CORO2B: variants seen among roughly 807,000 people sequenced by gnomAD.
CORO2B encodes coronin 2B.
Under a neutral mutation model 58.8 loss-of-function variants are expected in CORO2B, and 26 were observed. That is an observed-to-expected ratio of 0.44 (90% confidence interval 0.32 to 0.61). The LOEUF (loss-of-function observed/expected upper bound fraction) is 0.61. Among genes scored for constraint, CORO2B ranks in the 20% least tolerant of loss-of-function variants. The pLI, the probability that CORO2B is intolerant of heterozygous loss-of-function variation, is 0.04. For missense variants in CORO2B, 460 were observed against 645.1 expected (o/e 0.71, Z 3.11); for synonymous variants, 242 against 253.8 (o/e 0.95, Z 0.44).
rs187260042 is a variant in CORO2B at position 68,709,279 on chromosome 15, T to C, written c.334-1453T>C. ...CCAAAAGAGTTACTCTGATTTATAA[T>C]ACTACCAACATCCATTCAATCTATA... On this transcript the variant is annotated intron_variant, in intron 3 of 11. Transcript: ENST00000261861. Among the ~76,000 whole-genome samples the C allele has an allele frequency of 2.0e-5, 3 of 152,286 alleles. No individual in the cohort carries two copies. In the East Asian group the frequency reaches 5.8e-4, roughly 29 times the overall value.
chr15:68,719,438 A>G lies in CORO2B; in HGVS notation c.1197A>G (p.Glu399=). The G allele has an allele frequency of 6.2e-7, 1 of 1,614,084 alleles. No individual in the cohort carries two copies. Among genetic ancestry groups the G allele is most frequent in the East Asian group, 2.2e-5 (1 of 44,886 alleles). Residue 399 remains glutamate (E), a synonymous_variant, in exon 11 of 12, where the codon GAA becomes GAG. Coordinates refer to ENST00000261861, the MANE Select transcript of CORO2B (RefSeq NM_006091.5). ...ATCCCGTGCTGATGTCTTTGAAAGA[A>G]GGCTATAAGAAGTCCTCAAAAATGG... ...NRDPVLMSLK[E]GYKKSSKMVF... is the part of the protein sequence containing the mutation.
At chr15:68,669,819 G>A (rs1304900480) in intron 2 of CORO2B, among the ~76,000 whole-genome samples, 2 of 152,130 alleles carry the variant, frequency 1.3e-5, no homozygotes, top group Non-Finnish European at 2.9e-5. Flanking sequence ...CACTTCAGGA[G>A]GCCAAGGTGG....
At chr15:68,648,029 C>CAA (rs59821203) in intron 2 of CORO2B, among the ~76,000 whole-genome samples, 29,598 of 83,984 alleles carry the variant, frequency 0.35, 5,783 homozygotes, top group South Asian at 0.44. Flanking sequence ...TCCTGTCTCT[C>CAA]AAAAAAAAAA....
chr15:68,561,487 G>A, the CORO2B span, among the ~76,000 whole-genome samples: 3 of 152,068 alleles, frequency 2.0e-5, no homozygotes, highest in South Asian at 2.1e-4. Flanking sequence ...GGGGCCCAGC[G>A]GGACAGGTAG....
At chr15:68,602,244 G>T (rs771639393) in intron 1 of CORO2B, among the ~76,000 whole-genome samples, 1 of 152,030 alleles carries the variant, frequency 6.6e-6, no homozygotes, top group Non-Finnish European at 1.5e-5. Context: ...TCCGGGGAAT[G>T]ACACTAGGTT....
intron 2 of CORO2B, among the ~76,000 whole-genome samples, chr15:68,650,344 C>A (rs1008163583): frequency 1.5e-5 from 2 of 129,598 alleles, no homozygotes; most frequent in Non-Finnish European, 1.6e-5. Flanking sequence ...GCAACAAGAG[C>A]GAAACTCTGT....
chr15:68,685,543 C>G (rs77012792), intron 2 of CORO2B, among the ~76,000 whole-genome samples: 5,986 of 152,234 alleles, frequency 0.039, 248 homozygotes, highest in African/African-American at 0.1. Flanking sequence ...CCCTCCCCAA[C>G]ATGAGACAAG....
chr15:68,602,511 T>G (rs1900010839), intron 1 of CORO2B, among the ~76,000 whole-genome samples: 1 of 151,698 alleles, frequency 6.6e-6, no homozygotes, highest in South Asian at 2.1e-4. Flanking sequence ...AAGAGAGAGA[T>G]GAGCAAAAAG....
chr15:68,711,633 G>A lies in CORO2B; in HGVS notation c.575G>A (p.Gly192Asp), dbSNP rs1268225858. ...VILCMSFNTD[G>D]SLLTTTCKDK... The stretch of plus-strand genomic sequence containing the variant: ...CTCTGCATGTCCTTCAACACGGACG[G>A]CAGCCTGCTCACCACCACGTGCAAG... The change falls in exon 5 of 12, where the codon GGC becomes GAC. Residue 192 changes from glycine to aspartate, a missense_variant. Coordinates refer to ENST00000261861, the MANE Select transcript of CORO2B (RefSeq NM_006091.5). 1 of 1,614,120 alleles carries A rather than the reference G, an allele frequency of 6.2e-7. No homozygotes were observed. The highest frequency in any genetic ancestry group is 2.2e-5 in the East Asian group (1 of 44,882).
chr15:68,558,278 C>T, the CORO2B span, among the ~76,000 whole-genome samples: 1 of 152,194 alleles, frequency 6.6e-6, no homozygotes, highest in Non-Finnish European at 1.5e-5. Flanking sequence ...CTGTCTGCTG[C>T]TGCCCCTGCC....
intron 2 of CORO2B, among the ~76,000 whole-genome samples, chr15:68,672,889 C>T (rs938911530): frequency 5.9e-5 from 9 of 152,152 alleles, no homozygotes; most frequent in African/African-American, 1.7e-4. Context: ...GTGAGCTCGG[C>T]GACCTTAGAG....
chr15:68,596,628 G>A (rs1899836713), intron 1 of CORO2B, among the ~76,000 whole-genome samples: 1 of 152,170 alleles, frequency 6.6e-6, no homozygotes, highest in Non-Finnish European at 1.5e-5. Context: ...ATAGGTGAAG[G>A]ATAAGGCTGG....
chr15:68,572,037 G>T, the CORO2B span, among the ~76,000 whole-genome samples: 1 of 152,216 alleles, frequency 6.6e-6, no homozygotes, highest in South Asian at 2.1e-4. Flanking sequence ...GACCTGGGGG[G>T]CACTGCCCAG....
intron 1 of CORO2B, among the ~76,000 whole-genome samples, chr15:68,607,144 T>A (rs1900144204): frequency 6.6e-6 from 1 of 152,168 alleles, no homozygotes; most frequent in African/African-American, 2.4e-5. Flanking sequence ...GGATAGTTTG[T>A]CTCTGTTCCA....
At chr15:68,571,996 G>A in the CORO2B span, among the ~76,000 whole-genome samples, 2 of 152,198 alleles carry the variant, frequency 1.3e-5, no homozygotes, top group East Asian at 1.9e-4. Flanking sequence ...ACTCCTGAGG[G>A]GGGCAGACAC....
chr15:68,582,477 C>T (rs1010437107), intron 1 of CORO2B, among the ~76,000 whole-genome samples: 4 of 152,194 alleles, frequency 2.6e-5, no homozygotes, highest in Non-Finnish European at 2.9e-5. Flanking sequence ...TTCCCTGAGA[C>T]GAGTAGCTCC....
intron 2 of CORO2B, among the ~76,000 whole-genome samples, chr15:68,693,198 T>C (rs1310502821): frequency 6.6e-6 from 1 of 152,206 alleles, no homozygotes. Flanking sequence ...GTCCTGTTTT[T>C]TCCTCTACCC....
the CORO2B span, among the ~76,000 whole-genome samples, chr15:68,559,789 G>T: frequency 9.2e-5 from 14 of 152,318 alleles, no homozygotes; most frequent in African/African-American, 7.2e-5. This position sits in a 1 kb window ranked among gnomAD's most constrained non-coding sequence, Gnocchi z 4.3. Context: ...AGGGGGCGCG[G>T]CCCGCATCCT....
chr15:68,597,205 G>A (rs1045287942), intron 1 of CORO2B, among the ~76,000 whole-genome samples: 8 of 152,062 alleles, frequency 5.3e-5, no homozygotes, highest in East Asian at 1.9e-4. Context: ...GGCTTTGCTC[G>A]CCTGGCTGCT....
Sources: allele counts gnomAD v4.1 joint callset (sites outside exome capture counted in the v4.1 genomes callset), GRCh38; gene constraint gnomAD v4.1.1; non-coding constraint Gnocchi (gnomAD v3.1); transcripts MANE v1.5; gene names NCBI Gene and HGNC (gene_info 2026-07-23, HGNC 2026-07-21).